ADIPOR1: variants seen among roughly 807,000 people sequenced by gnomAD.
ADIPOR1 encodes the protein adiponectin receptor 1.
In ADIPOR1, 15 loss-of-function variants were observed where a neutral mutation model predicts 37.5. The ratio of observed to expected loss-of-function variants is 0.40; its 90% CI spans 0.27 to 0.62. The LOEUF is 0.62. Among genes scored for constraint, ADIPOR1 ranks in the 20% least tolerant of loss-of-function variants. The pLI, the probability that ADIPOR1 is intolerant of heterozygous loss-of-function variation, is 0.42. For synonymous variants in ADIPOR1, 173 were observed against 173.2 expected (o/e 1.00, Z 0.01); for missense variants, 286 against 478.0 (o/e 0.60, Z 3.75).
chr1:202,944,536 AT>A (rs1654231205), intron 5 of ADIPOR1: 1 of 154,724 alleles, frequency 6.5e-6, no homozygotes, highest in Non-Finnish European at 1.4e-5. Flanking sequence ...GCACACGATG[AT>A]GGACATCTGG....
intron 1 of ADIPOR1, 26 bp from the exon 2 acceptor site, chr1:202,951,190 A>T: frequency 9.3e-6 from 11 of 1,177,214 alleles, no homozygotes; most frequent in Non-Finnish European, 1.3e-5. Context: ...AACATGAAGG[A>T]TTGACAATTT....
chr1:202,958,015 C>T (rs1553244386), intron 1 of ADIPOR1, among the ~76,000 whole-genome samples, 170 bp downstream of exon 1: 3 of 152,170 alleles, frequency 2.0e-5, no homozygotes, highest in Non-Finnish European at 4.4e-5. Flanking sequence ...ACAACCTGAC[C>T]GGCTGGATGC....
intron 7 of ADIPOR1, 51 bp downstream of exon 7, chr1:202,941,974 T>C: frequency 1.3e-6 from 2 of 1,550,262 alleles, no homozygotes; most frequent in South Asian, 1.2e-5. Flanking sequence ...CCCTTTAACT[T>C]TGGGCTGTTC....
chr1:202,957,323 G>C (rs1055710560), intron 1 of ADIPOR1, among the ~76,000 whole-genome samples: 1 of 152,004 alleles, frequency 6.6e-6, no homozygotes, highest in African/African-American at 2.4e-5. Flanking sequence ...TTTCTAGCCC[G>C]TCTTCTGAAT....
At chr1:202,951,456 C>G (rs1048240461) in intron 1 of ADIPOR1, among the ~76,000 whole-genome samples, 2 of 152,146 alleles carry the variant, frequency 1.3e-5, no homozygotes, top group African/African-American at 2.4e-5. Context: ...GCTACCCACC[C>G]TCAACTCCCT....
intron 2 of ADIPOR1, 87 bp downstream of exon 2, chr1:202,950,843 G>T: frequency 6.5e-7 from 1 of 1,544,586 alleles, no homozygotes; most frequent in South Asian, 1.2e-5. Flanking sequence ...TCCTCCTTTT[G>T]GACGGTGAGC....
intron 4 of ADIPOR1, among the ~76,000 whole-genome samples, chr1:202,946,170 G>A (rs1019693880): frequency 6.6e-6 from 1 of 152,046 alleles, no homozygotes; most frequent in Non-Finnish European, 1.5e-5. Context: ...TGGAAATTAC[G>A]AAGTACAAGG....
intron 7 of ADIPOR1, 149 bp downstream of exon 7, chr1:202,941,876 A>C (rs750568880): frequency 3.1e-5 from 36 of 1,164,638 alleles, no homozygotes; most frequent in Non-Finnish European, 4.3e-5. Context: ...GATACACCAA[A>C]ATGTTAATAT....
intron 1 of ADIPOR1, among the ~76,000 whole-genome samples, chr1:202,951,422 C>T (rs971909416): frequency 4.6e-5 from 7 of 152,122 alleles, no homozygotes; most frequent in African/African-American, 1.7e-4. Context: ...GGTTACTGCA[C>T]CAAACTGTCA....
intron 1 of ADIPOR1, among the ~76,000 whole-genome samples, chr1:202,955,241 T>TTA (rs1654735119): frequency 6.6e-6 from 1 of 151,580 alleles, no homozygotes; most frequent in South Asian, 2.1e-4. Context: ...TTTTTTTTTT[T>TTA]AAAAGGGTCT....
At chr1:202,948,521 C>T in intron 2 of ADIPOR1, 101 bp from the exon 3 acceptor site, 1 of 922,020 alleles carries the variant, frequency 1.1e-6, no homozygotes, top group Non-Finnish European at 1.7e-6. Flanking sequence ...ATGCCTTCTG[C>T]CCAGCCTCTT....
intron 1 of ADIPOR1, among the ~76,000 whole-genome samples, chr1:202,953,642 A>G (rs1455158339): frequency 6.6e-6 from 1 of 152,148 alleles, no homozygotes; most frequent in Non-Finnish European, 1.5e-5. Context: ...ATATTTAGCA[A>G]GTGTATTTAG....
intron 1 of ADIPOR1, among the ~76,000 whole-genome samples, chr1:202,953,687 A>G (rs1654669858): frequency 1.4e-5 from 1 of 70,592 alleles, no homozygotes; most frequent in Non-Finnish European, 3.0e-5. Context: ...GACACTGTGC[A>G]AAATACAAGA....
Position 202,949,512 on chromosome 1 carries a change from C to T in ADIPOR1, c.142-1092G>A, listed in dbSNP as rs575581266. Among the ~76,000 whole-genome samples the T allele has an allele frequency of 4.2e-3, 598 of 143,334 alleles. 8 individuals carry two copies. The highest frequency in any genetic ancestry group is 0.015 in the African/African-American group (568 of 38,646). 94.0% of individuals were successfully genotyped at this position (143,334 alleles called of 152,430 possible). A position where few individuals can be genotyped will look rare whatever the true frequency, so the allele number is the denominator to read the frequency against. On this transcript the variant is annotated intron_variant, in intron 2 of 7. Transcript: ENST00000340990. ...GGAGAATGGCATGAACCCTGGAGGG[C>T]GGAGCCTGCAGTGAGCCGAGAACGT...
At position 202,943,961 on chromosome 1, in the gene ADIPOR1, A is replaced by G; in HGVS notation, c.618-16T>C. On this transcript the variant is annotated splice_polypyrimidine_tract_variant and intron_variant, in intron 5 of 7. Coordinates refer to ENST00000340990, the MANE Select transcript of ADIPOR1 (RefSeq NM_015999.6). Reference sequence around the variant, plus strand: ...ATAGTCCAGTCTAAAAAGAACCACAAAAATGAAACAAATCAGTGGGGGAAA... The same window carrying G: ...ATAGTCCAGTCTAAAAAGAACCACAGAAATGAAACAAATCAGTGGGGGAAA... 3 of 1,597,148 alleles carry G rather than the reference A, an allele frequency of 1.9e-6. No homozygotes were observed. Among genetic ancestry groups the G allele is most frequent in the Non-Finnish European group, 2.6e-6 (3 of 1,168,132 alleles).
intron 1 of ADIPOR1, among the ~76,000 whole-genome samples, chr1:202,957,064 G>C (rs1654813705): frequency 6.6e-6 from 1 of 152,120 alleles, no homozygotes; most frequent in Non-Finnish European, 1.5e-5. Flanking sequence ...GTTATTCCTG[G>C]AGTAAATACA....
chr1:202,944,736 T>C lies in ADIPOR1; in HGVS notation c.617+247A>G. On this transcript the variant is annotated intron_variant, in intron 5 of 7. Coordinates refer to ENST00000340990, the MANE Select transcript of ADIPOR1 (RefSeq NM_015999.6). ...TCTAAGCCTCACAAAAGATAGTGCT[T>C]TTCAGGTAGAAAATATATTCCACAA... The C allele has an allele frequency of 1.0e-5, 3 of 300,242 alleles. No homozygotes were observed. The East Asian group carries it at 1.6e-4, about 16-fold the overall frequency. 18.6% of individuals were successfully genotyped at this position (300,242 alleles called of 1,614,324 possible). A position where few individuals can be genotyped will look rare whatever the true frequency, so the allele number is the denominator to read the frequency against.
chr1:202,950,094 C>T (rs933524005), intron 2 of ADIPOR1, among the ~76,000 whole-genome samples: 11 of 152,024 alleles, frequency 7.2e-5, no homozygotes, highest in Admixed American at 2.0e-4. Context: ...TCCCGAGTAG[C>T]TGGGATTACA....
At chr1:202,955,711 C>A (rs964671807) in intron 1 of ADIPOR1, among the ~76,000 whole-genome samples, 11 of 151,912 alleles carry the variant, frequency 7.2e-5, no homozygotes, top group Non-Finnish European at 1.5e-5. Flanking sequence ...TCAAGCAATT[C>A]TCCTGCATCA....
Sources: gnomAD v4.1 joint callset for allele counts (sites outside exome capture counted in the v4.1 genomes callset) on GRCh38, gnomAD v4.1.1 for gene constraint, MANE v1.5 for transcripts, NCBI Gene and HGNC (gene_info 2026-07-23, HGNC 2026-07-21) for gene names.